The following RLF variants were observed in gnomAD, a reference collection of about 807,000 sequenced individuals.
RLF encodes the protein RLF zinc finger.
In RLF, 7 loss-of-function variants were observed where a neutral mutation model predicts 162.9. The observed-to-expected ratio is 0.04, with a 90% confidence interval of 0.02 to 0.08. The LOEUF is 0.08. Among genes scored for constraint, RLF ranks in the 10% least tolerant of loss-of-function variants. The pLI is 1.00. For synonymous variants in RLF, 782 were observed against 791.5 expected (o/e 0.99, Z 0.20); for missense variants, 1,664 against 2,244.7 (o/e 0.74, Z 5.23).
In RLF at chr1:40,237,413, C is replaced by T. The variant is rs765776523; in HGVS notation, c.2711C>T (p.Ser904Phe). ...TCTAGTGATCAGTTAAGTCATAGCT[C>T]TTCAGCTTCAATGAATGAAGAGCTA... ...SNSSDQLSHS[S>F]SASMNEELID... The change falls in exon 8 of 8, where the codon TCT becomes TTT. Residue 904 changes from serine to phenylalanine, a missense_variant. This residue lies in a region of RLF where 295 missense variants were observed against 317.4 expected (regional missense o/e 0.93). Coordinates refer to ENST00000372771, the MANE Select transcript of RLF (RefSeq NM_012421.4). This position sits in a 1 kb window ranked among gnomAD's most constrained non-coding sequence, Gnocchi z 4.4. 23 of 1,613,990 alleles carry T rather than the reference C, an allele frequency of 1.4e-5. No individual in the cohort carries two copies. The highest frequency in any genetic ancestry group is 1.6e-4 in the Middle Eastern group (1 of 6,062).
chr1:40,229,487 C>T, intron 6 of RLF, among the ~76,000 whole-genome samples: 1 of 112,994 alleles, frequency 8.9e-6, no homozygotes, highest in African/African-American at 3.5e-5. Flanking sequence ...CAGAGTCTTG[C>T]TGTGTCACCC....
intron 1 of RLF, among the ~76,000 whole-genome samples, chr1:40,173,087 TTTTTG>T (rs984093674): frequency 2.0e-5 from 3 of 150,414 alleles, no homozygotes; most frequent in African/African-American, 5.0e-5. Flanking sequence ...TTTTTTTTTT[TTTTTG>T]TGAGGCAGAG....
At chr1:40,206,079 C>T (rs1196211182) in intron 5 of RLF, among the ~76,000 whole-genome samples, 1 of 152,164 alleles carries the variant, frequency 6.6e-6, no homozygotes, top group Non-Finnish European at 1.5e-5. Context: ...CTCCAAACTC[C>T]AGACCCATAT....
intron 5 of RLF, among the ~76,000 whole-genome samples, chr1:40,203,375 A>G (rs997386630): frequency 2.6e-5 from 4 of 151,784 alleles, no homozygotes; most frequent in Non-Finnish European, 5.9e-5. Context: ...TTCAGCTTGT[A>G]CTACTAAAAG....
Position 40,237,289 on chromosome 1 carries a change from A to G in RLF, c.2587A>G (p.Lys863Glu), listed in dbSNP as rs760942348. ...NQPHLLNQTD[K>E]SHLPEDLFCA... ...GCCCCATCTACTTAACCAAACTGAT[A>G]AATCACATTTACCTGAAGATCTTTT... is the stretch of plus-strand genomic sequence containing the variant. The change falls in exon 8 of 8, where the codon AAA becomes GAA. Residue 863 changes from lysine (K) to glutamate (E), a missense_variant. This residue lies in a region of RLF where 295 missense variants were observed against 317.4 expected (regional missense o/e 0.93). Transcript: ENST00000372771. This position sits in a 1 kb window ranked among gnomAD's most constrained non-coding sequence, Gnocchi z 4.4. 2 of 1,614,128 alleles carry G rather than the reference A, an allele frequency of 1.2e-6. No individual in the cohort carries two copies. Among genetic ancestry groups the G allele is most frequent in the Non-Finnish European group, 1.7e-6 (2 of 1,180,002 alleles).
intron 1 of RLF, among the ~76,000 whole-genome samples, chr1:40,179,101 C>T (rs1398847272): frequency 6.6e-6 from 1 of 152,182 alleles, no homozygotes; most frequent in African/African-American, 2.4e-5. Flanking sequence ...TCCCAAAATG[C>T]TGGGATTACA....
chr1:40,190,016 A>C (rs1334299318), intron 2 of RLF, among the ~76,000 whole-genome samples: 1 of 151,990 alleles, frequency 6.6e-6, no homozygotes, highest in Non-Finnish European at 1.5e-5. Context: ...TTCTAGCCTC[A>C]CCTGTTTTCC....
intron 1 of RLF, among the ~76,000 whole-genome samples, chr1:40,163,798 T>C (rs1642128952): frequency 6.6e-6 from 1 of 152,204 alleles, no homozygotes; most frequent in Non-Finnish European, 1.5e-5. Context: ...TTTTCTGACC[T>C]TTATCTCCTT....
At chr1:40,186,695 A>G (rs1642486419) in intron 1 of RLF, among the ~76,000 whole-genome samples, 1 of 152,198 alleles carries the variant, frequency 6.6e-6, no homozygotes, top group Admixed American at 6.5e-5. Flanking sequence ...CTCTGTGAGG[A>G]TAGGCCACAT....
chr1:40,179,647 A>C (rs1412050576), intron 1 of RLF, among the ~76,000 whole-genome samples: 1 of 151,636 alleles, frequency 6.6e-6, no homozygotes, highest in East Asian at 1.9e-4. Context: ...CATTAAGTAC[A>C]TTCACATTGT....
At chr1:40,201,519 G>A (rs891526767) in intron 4 of RLF, among the ~76,000 whole-genome samples, 8 of 151,540 alleles carry the variant, frequency 5.3e-5, no homozygotes, top group African/African-American at 1.9e-4. Flanking sequence ...CCAGCTACTC[G>A]GGAGGCTGAG....
chr1:40,190,334 A>G lies in RLF; in HGVS notation c.393-438A>G, dbSNP rs183470263. Among the ~76,000 whole-genome samples, 450 of 152,298 alleles carry G rather than the reference A, an allele frequency of 3.0e-3. 3 individuals carry two copies. Among genetic ancestry groups the G allele is most frequent in the African/African-American group, 9.8e-3 (409 of 41,578 alleles). Reference sequence around the variant, plus strand: ...TTACAGGTAAAGAAACGACTTTGCCAGTCTTCCTGCTTCCTCTGCAAGTGA... The same window carrying G: ...TTACAGGTAAAGAAACGACTTTGCCGGTCTTCCTGCTTCCTCTGCAAGTGA... On this transcript the variant is annotated intron_variant, in intron 2 of 7. Transcript: ENST00000372771.
At chr1:40,196,218 G>A (rs1030158796) in intron 4 of RLF, among the ~76,000 whole-genome samples, 12 of 151,732 alleles carry the variant, frequency 7.9e-5, no homozygotes, top group Admixed American at 2.6e-4. Context: ...GATTACAGGC[G>A]CGCGCCACCA....
chr1:40,235,739 T>C (rs1211195292), intron 7 of RLF, 53 bp from the exon 8 acceptor site: 1 of 1,322,312 alleles, frequency 7.6e-7, no homozygotes, highest in Non-Finnish European at 1.0e-6. Context: ...GTGAAAGTTA[T>C]ATAATCTTTC....
At chr1:40,177,147 G>A (rs1017190861) in intron 1 of RLF, among the ~76,000 whole-genome samples, 19 of 151,584 alleles carry the variant, frequency 1.3e-4, no homozygotes, top group African/African-American at 1.7e-4. Context: ...CACCACACCC[G>A]GCTAATTTCT....
intron 5 of RLF, among the ~76,000 whole-genome samples, chr1:40,206,621 C>G (rs1403659922): frequency 6.6e-6 from 1 of 152,164 alleles, no homozygotes; most frequent in African/African-American, 2.4e-5. Flanking sequence ...TAATAGCTTT[C>G]CATCTTACTC....
intron 4 of RLF, 49 bp from the exon 5 acceptor site, chr1:40,202,363 C>A: frequency 8.4e-7 from 1 of 1,183,944 alleles, no homozygotes; most frequent in Non-Finnish European, 1.2e-6. Context: ...GCAAGTCTGA[C>A]ATGTTATGTG....
At chr1:40,168,938 G>A (rs184455158) in intron 1 of RLF, among the ~76,000 whole-genome samples, 5 of 151,880 alleles carry the variant, frequency 3.3e-5, no homozygotes, top group Admixed American at 3.3e-4. Context: ...GGTTGCAGTG[G>A]GCAGAAATCA....
At chr1:40,164,627 A>G (rs138074586) in intron 1 of RLF, among the ~76,000 whole-genome samples, 38 of 152,330 alleles carry the variant, frequency 2.5e-4, no homozygotes, top group African/African-American at 8.7e-4. Context: ...TGTTTTCTTG[A>G]AAAATTGATG....
Sources: allele counts gnomAD v4.1 joint callset (sites outside exome capture counted in the v4.1 genomes callset), GRCh38; gene constraint gnomAD v4.1.1; regional missense constraint gnomAD v4.1.1; non-coding constraint Gnocchi (gnomAD v3.1); transcripts MANE v1.5; gene names NCBI Gene and HGNC (gene_info 2026-07-23, HGNC 2026-07-21).